ACSF2: variants seen among roughly 807,000 people sequenced by gnomAD.
ACSF2 encodes medium-chain acyl-CoA ligase ACSF2, mitochondrial.
A neutral mutation model predicts 79.3 loss-of-function variants in ACSF2; 52 were observed. That is an observed-to-expected ratio of 0.66 (90% confidence interval 0.53 to 0.83). The LOEUF is 0.83. ACSF2 is among the 40% of genes least tolerant of loss of function. The pLI is 0.00. For missense variants in ACSF2, 661 were observed against 803.3 expected, an observed-to-expected ratio of 0.82 and a Z score of 2.14; for synonymous variants, 283 against 312.6, an observed-to-expected ratio of 0.91 and a Z score of 1.00.
intron 10 of ACSF2, chr17:50,465,239 C>T (rs1598426660): frequency 9.4e-6 from 15 of 1,600,566 alleles, no homozygotes; most frequent in African/African-American, 1.3e-5. Context: ...GATACCAGCT[C>T]ACTTGCTGGA....
intron 1 of ACSF2, among the ~76,000 whole-genome samples, chr17:50,457,405 C>T (rs77255426): frequency 6.6e-6 from 1 of 152,186 alleles, no homozygotes; most frequent in Non-Finnish European, 1.5e-5. Context: ...GAGGGACATG[C>T]AGCATCTTCC....
chr17:50,444,830 A>G (rs201213353), intron 1 of ACSF2, among the ~76,000 whole-genome samples: 1 of 151,998 alleles, frequency 6.6e-6, no homozygotes, highest in East Asian at 1.9e-4. Context: ...ATCTTCTGTG[A>G]CTTTGTGGCA....
At chr17:50,456,936 A>G (rs2143674617) in intron 1 of ACSF2, among the ~76,000 whole-genome samples, 1 of 152,092 alleles carries the variant, frequency 6.6e-6, no homozygotes, top group Non-Finnish European at 1.5e-5. Flanking sequence ...GTGGTGGCAC[A>G]CACCTGTAGT....
intron 1 of ACSF2, among the ~76,000 whole-genome samples, chr17:50,446,389 CG>C (rs2031303459): frequency 6.6e-6 from 1 of 152,036 alleles, no homozygotes; most frequent in Non-Finnish European, 1.5e-5. Flanking sequence ...TCCTGAGTAG[CG>C]GGGATTACAG....
rs148496281 is a variant in ACSF2 at position 50,463,389 on chromosome 17, C to G, written c.889-6C>G. ...GACAGACCCAGCCTCCTGTCTCCATCACCAGACACCAGAGCAGTTGCGGAT... is the reference window on the plus strand; with the variant it reads ...GACAGACCCAGCCTCCTGTCTCCATGACCAGACACCAGAGCAGTTGCGGAT... On this transcript the variant is annotated splice_polypyrimidine_tract_variant and splice_region_variant and intron_variant, in intron 7 of 15. Coordinates refer to ENST00000300441, the MANE Select transcript of ACSF2 (RefSeq NM_025149.6). The surrounding 1 kb of genome is among the most constrained non-coding windows in gnomAD (Gnocchi z 4.6). The G allele has an allele frequency of 3.8e-4, 606 of 1,613,586 alleles. 1 individual carries two copies. The African/African-American group carries it at 6.9e-3, about 18-fold the overall frequency.
intron 1 of ACSF2, among the ~76,000 whole-genome samples, chr17:50,430,066 A>C (rs1915384604): frequency 6.6e-6 from 1 of 152,140 alleles, no homozygotes; most frequent in East Asian, 1.9e-4. Flanking sequence ...TGTTGAGAAC[A>C]CTCAGAGCTG....
intron 1 of ACSF2, among the ~76,000 whole-genome samples, chr17:50,442,467 A>G (rs1423993211): frequency 6.7e-6 from 1 of 150,252 alleles, no homozygotes. Flanking sequence ...CTGGCCTTTT[A>G]GTTTAGTTTT....
At chr17:50,457,115 G>C (rs2143675979) in intron 1 of ACSF2, among the ~76,000 whole-genome samples, 1 of 152,238 alleles carries the variant, frequency 6.6e-6, no homozygotes, top group East Asian at 1.9e-4. Flanking sequence ...AGACCTCTGG[G>C]AAGTCCAGGT....
chr17:50,466,580 C>T (rs993085388), intron 10 of ACSF2, among the ~76,000 whole-genome samples: 10 of 152,204 alleles, frequency 6.6e-5, no homozygotes, highest in African/African-American at 2.4e-4. Context: ...AACTGGTACA[C>T]GGTGAACTTG....
At chr17:50,450,707 TG>T in intron 1 of ACSF2, 1 of 158,302 alleles carries the variant, frequency 6.3e-6, no homozygotes. Context: ...ATCATACTCC[TG>T]GCAATGAACT....
rs1272406456 is a variant in ACSF2 at position 50,473,747 on chromosome 17, A to G, written c.1558A>G (p.Ile520Val). Residue 520 changes from isoleucine (I) to valine (V), a missense_variant, in exon 13 of 16, where the codon ATC becomes GTC. Transcript: ENST00000300441. ...TATGATCATCCGGGGTGGTGAGAAC[A>G]TCTACCCCGCAGAGCTCGAGGACTT... is the stretch of plus-strand genomic sequence containing the variant. The part of the protein sequence containing the change: ...KDMIIRGGEN[I>V]YPAELEDFFH... The G allele has an allele frequency of 1.2e-6, 2 of 1,614,104 alleles. No individual in the cohort carries two copies. Among genetic ancestry groups the G allele is most frequent in the African/African-American group, 1.3e-5 (1 of 74,924 alleles).
chr17:50,473,591 A>C, intron 12 of ACSF2, 74 bp from the exon 13 acceptor site: 3 of 1,601,798 alleles, frequency 1.9e-6, no homozygotes, highest in Non-Finnish European at 2.6e-6. Context: ...CTGGTCAATA[A>C]ATGTTTCACG....
chr17:50,467,293 T>C (rs370196957), intron 10 of ACSF2, among the ~76,000 whole-genome samples: 27 of 152,298 alleles, frequency 1.8e-4, no homozygotes, highest in African/African-American at 6.5e-4. Flanking sequence ...CACGCCAGTC[T>C]TCTCTGTGGA....
chr17:50,453,232 G>A (rs2031784452), intron 1 of ACSF2, among the ~76,000 whole-genome samples: 1 of 151,996 alleles, frequency 6.6e-6, no homozygotes, highest in African/African-American at 2.4e-5. Context: ...AATTTGGGAC[G>A]GAGTTTCACT....
chr17:50,434,071 T>C (rs1598389706), intron 1 of ACSF2, among the ~76,000 whole-genome samples: 2 of 151,486 alleles, frequency 1.3e-5, no homozygotes, highest in South Asian at 4.2e-4. Context: ...CTCAGCACTT[T>C]GGGAGGCTGA....
intron 1 of ACSF2, among the ~76,000 whole-genome samples, chr17:50,441,460 C>A (rs976767149): frequency 6.6e-6 from 1 of 152,220 alleles, no homozygotes; most frequent in Non-Finnish European, 1.5e-5. Flanking sequence ...CAGGCGTGAG[C>A]CACCATGCCT....
intron 1 of ACSF2, among the ~76,000 whole-genome samples, chr17:50,432,496 A>T (rs973469136): frequency 2.0e-5 from 3 of 152,212 alleles, no homozygotes; most frequent in Non-Finnish European, 4.4e-5. Context: ...AGATGGGTGG[A>T]CAGGCCTGAG....
intron 11 of ACSF2, 37 bp from the exon 12 acceptor site, chr17:50,472,391 G>C: frequency 6.2e-7 from 1 of 1,600,458 alleles, no homozygotes; most frequent in Non-Finnish European, 8.5e-7. Context: ...TGAAGCAAGA[G>C]GATAGGAAGC....
chr17:50,470,679 A>G (rs1044376923), intron 10 of ACSF2, among the ~76,000 whole-genome samples: 2 of 151,446 alleles, frequency 1.3e-5, no homozygotes, highest in African/African-American at 2.4e-5. Context: ...TAAGGCAGCC[A>G]GGGGATGGGG....
Sources: allele counts gnomAD v4.1 joint callset (sites outside exome capture counted in the v4.1 genomes callset), GRCh38; gene constraint gnomAD v4.1.1; non-coding constraint Gnocchi (gnomAD v3.1); transcripts MANE v1.5; gene names NCBI Gene and HGNC (gene_info 2026-07-23, HGNC 2026-07-21).